Variants in LSM14A observed in about 807,000 individuals in gnomAD.
LSM14A encodes LSM14A mRNA processing body assembly factor.
In LSM14A, 14 loss-of-function variants were observed where a neutral mutation model predicts 52.4. The ratio of observed to expected loss-of-function variants is 0.27; its 90% confidence interval spans 0.18 to 0.42. LSM14A has a LOEUF of 0.42. Among genes scored for constraint, LSM14A ranks in the 10% least tolerant of loss-of-function variants. LSM14A has a pLI of 1.00. For missense variants in LSM14A, 417 were observed against 581.8 expected (o/e 0.72, Z 2.91); for synonymous variants, 185 against 200.3 (o/e 0.92, Z 0.64).
chr19:34,226,536 C>T (rs925946206), intron 9 of LSM14A: 7 of 1,283,202 alleles, frequency 5.5e-6, no homozygotes, highest in Non-Finnish European at 5.3e-6. Context: ...TCTTGTAGCT[C>T]ATTGCTGTCA....
chr19:34,200,327 G>T (rs1191715046), intron 3 of LSM14A, among the ~76,000 whole-genome samples: 1 of 152,184 alleles, frequency 6.6e-6, no homozygotes, highest in Non-Finnish European at 1.5e-5. Flanking sequence ...GTTTCCTGCA[G>T]GGGAGAAAAA....
chr19:34,183,111 C>T (rs939942966), intron 1 of LSM14A, among the ~76,000 whole-genome samples: 2 of 152,048 alleles, frequency 1.3e-5, no homozygotes, highest in Non-Finnish European at 2.9e-5. Context: ...ATAAAAACAG[C>T]CATAAGGAAG....
chr19:34,219,292 G>A (rs1004944083), intron 6 of LSM14A, 99 bp from the exon 7 acceptor site: 1 of 652,740 alleles, frequency 1.5e-6, no homozygotes, highest in South Asian at 2.9e-5. Flanking sequence ...AAGCATTTCT[G>A]TTGTTGACTG....
At chr19:34,205,464 C>A (rs960404291) in intron 3 of LSM14A, among the ~76,000 whole-genome samples, 7 of 121,292 alleles carry the variant, frequency 5.8e-5, no homozygotes, top group Non-Finnish European at 1.1e-4. Flanking sequence ...CCAGCGTGGG[C>A]GACAGAACAA....
rs117821071 is a variant in LSM14A, at chr19:34,222,369, G to A, written c.1368+631G>A. Among the ~76,000 whole-genome samples, 7 of 152,346 alleles carry A rather than the reference G, an allele frequency of 4.6e-5. No individual in the cohort carries two copies. The East Asian group carries it at 1.3e-3, about 29-fold the overall frequency. ...GATATATTGGCCTTCAGGAGCTACT[G>A]CTAGAGAATTCTGTAACTCTGTATA... On this transcript the variant is annotated intron_variant, in intron 9 of 9. Coordinates refer to ENST00000544216, the MANE Select transcript of LSM14A (RefSeq NM_015578.4).
At chr19:34,212,438 C>T (rs1156300509) in intron 4 of LSM14A, among the ~76,000 whole-genome samples, 1 of 151,874 alleles carries the variant, frequency 6.6e-6, no homozygotes, top group Non-Finnish European at 1.5e-5. Context: ...AGATTCTTTC[C>T]CTCATACTGA....
intron 1 of LSM14A, among the ~76,000 whole-genome samples, chr19:34,187,878 T>TTTG (rs575925620): frequency 1.0e-3 from 153 of 152,112 alleles, no homozygotes; most frequent in East Asian, 2.7e-3. Flanking sequence ...TTGACCCTGT[T>TTTG]TTGTTGTTGT....
chr19:34,214,200 G>GT (rs745737936), intron 4 of LSM14A, among the ~76,000 whole-genome samples: 1 of 151,900 alleles, frequency 6.6e-6, no homozygotes, highest in Non-Finnish European at 1.5e-5. Context: ...TTGTTTGTTT[G>GT]TTTTTTTGCT....
At chr19:34,213,804 C>CA (rs138252526) in intron 4 of LSM14A, among the ~76,000 whole-genome samples, 2,630 of 152,190 alleles carry the variant, frequency 0.017, 34 homozygotes, top group South Asian at 0.034. Flanking sequence ...TTTTTTGAGA[C>CA]AGAGTCTAGT....
At position 34,210,334 on chromosome 19, in the gene LSM14A, A is replaced by G. The variant is rs557444178; in HGVS notation, c.538+1283A>G. 5.2e-4 allele frequency among the ~76,000 whole-genome samples: 79 copies of G among 151,942 alleles called. 1 individual carries two copies. Among genetic ancestry groups the G allele is most frequent in the African/African-American group, 1.7e-3 (70 of 41,414 alleles). The stretch of plus-strand genomic sequence containing the variant: ...ACCCAGACTGGAGTGCAGTGGCACA[A>G]TCTCGGCTCACTGCAACCTCCACCT... On this transcript the variant is annotated intron_variant, in intron 4 of 9. Transcript: ENST00000544216.
intron 1 of LSM14A, 35 bp downstream of exon 1, chr19:34,172,798 C>A: frequency 1.9e-6 from 3 of 1,545,460 alleles, no homozygotes; most frequent in Non-Finnish European, 2.6e-6. Context: ...GGGGGCCGAG[C>A]CGGGCGCCGC....
chr19:34,195,055 G>A (rs553507437), intron 2 of LSM14A, among the ~76,000 whole-genome samples: 1 of 151,920 alleles, frequency 6.6e-6, no homozygotes, highest in Non-Finnish European at 1.5e-5. Flanking sequence ...ATGCTATTGA[G>A]ATATGGTTTA....
At chr19:34,180,431 T>C (rs1012046127) in intron 1 of LSM14A, among the ~76,000 whole-genome samples, 2 of 152,178 alleles carry the variant, frequency 1.3e-5, no homozygotes, top group Non-Finnish European at 2.9e-5. Context: ...TCAATAGGGA[T>C]GGATAATAAT....
chr19:34,218,445 G>A (rs927448332), intron 6 of LSM14A, among the ~76,000 whole-genome samples: 1 of 152,214 alleles, frequency 6.6e-6, no homozygotes, highest in African/African-American at 2.4e-5. Flanking sequence ...GGGTTTTGTG[G>A]TTTGTTTTCT....
chr19:34,220,289 AAG>A (rs1330005891), intron 8 of LSM14A, among the ~76,000 whole-genome samples: 4 of 152,218 alleles, frequency 2.6e-5, no homozygotes, highest in Non-Finnish European at 5.9e-5. Flanking sequence ...TATTTGCTAA[AAG>A]AAAATATATA....
intron 9 of LSM14A, among the ~76,000 whole-genome samples, chr19:34,222,343 C>T (rs567945716): frequency 1.5e-4 from 23 of 152,130 alleles, no homozygotes; most frequent in Non-Finnish European, 2.1e-4. Flanking sequence ...GAAAATGTTT[C>T]GATATATTGG....
intron 1 of LSM14A, among the ~76,000 whole-genome samples, chr19:34,186,742 C>A (rs753777296): frequency 6.6e-6 from 1 of 152,156 alleles, no homozygotes; most frequent in Non-Finnish European, 1.5e-5. Flanking sequence ...GGAGCTGATA[C>A]AGGACTGAAG....
chr19:34,219,038 A>G (rs1415587194), intron 6 of LSM14A, among the ~76,000 whole-genome samples: 1 of 152,136 alleles, frequency 6.6e-6, no homozygotes, highest in Non-Finnish European at 1.5e-5. Context: ...GGTGTTGGGG[A>G]TATAGCAGTA....
At position 34,196,655 on chromosome 19, in the gene LSM14A, T is replaced by C. The variant is rs149170773; in HGVS notation, c.307T>C (p.Ser103Pro). 7,745 of 1,611,422 alleles carry C rather than the reference T, an allele frequency of 4.8e-3. 24 individuals are homozygous for C. Among genetic ancestry groups the C allele is most frequent in the South Asian group, 9.6e-3 (868 of 90,490 alleles). ...TCAGTCCTCACTAGGCTCATCGACT[T>C]CTTCATTCCAGTCCATGGGTTCTTA... is the stretch of plus-strand genomic sequence containing the variant. ...IVQSSLGSST[S>P]SFQSMGSYGP... Residue 103 changes from serine to proline, a missense_variant, in exon 3 of 10, where the codon TCT becomes CCT. By Grantham distance (74) the Ser-to-Pro change is moderately conservative. This residue lies in a region of LSM14A where 357 missense variants were observed against 457.0 expected (regional missense o/e 0.78). Coordinates refer to ENST00000544216, the MANE Select transcript of LSM14A (RefSeq NM_015578.4).
Sources: allele counts gnomAD v4.1 joint callset (sites outside exome capture counted in the v4.1 genomes callset), GRCh38; gene constraint gnomAD v4.1.1; regional missense constraint gnomAD v4.1.1; transcripts MANE v1.5; gene names NCBI Gene and HGNC (gene_info 2026-07-23, HGNC 2026-07-21).